ARRB1: variants seen among roughly 807,000 people sequenced by gnomAD.
ARRB1 encodes arrestin beta 1, also known as beta-arrestin-1.
Under a neutral mutation model 56.8 loss-of-function variants are expected in ARRB1, and 21 were observed. That is an observed-to-expected ratio of 0.37 (90% CI 0.26 to 0.53). ARRB1 has a LOEUF of 0.53. ARRB1 is among the 20% of genes least tolerant of loss of function. The probability of loss-of-function intolerance (pLI) is 0.88; values close to 1 mark genes in which losing one functional copy is unlikely to be tolerated. For synonymous variants in ARRB1, 210 were observed against 218.6 expected, an observed-to-expected ratio of 0.96 and a Z score of 0.35; for missense variants, 424 against 553.7, an observed-to-expected ratio of 0.77 and a Z score of 2.35.
At chr11:75,342,602 C>A (rs1298007660) in intron 1 of ARRB1, among the ~76,000 whole-genome samples, 2 of 152,176 alleles carry the variant, frequency 1.3e-5, no homozygotes, top group Non-Finnish European at 2.9e-5. Flanking sequence ...GGACTGCAGC[C>A]AGACCCAGAT....
intron 1 of ARRB1, among the ~76,000 whole-genome samples, chr11:75,292,807 A>G (rs1200170628): frequency 6.6e-6 from 1 of 152,210 alleles, no homozygotes; most frequent in African/African-American, 2.4e-5. Flanking sequence ...TGAGTGGCTA[A>G]TTATTTCTCA....
chr11:75,339,529 CAT>C (rs1373698845), intron 1 of ARRB1, among the ~76,000 whole-genome samples: 3 of 152,208 alleles, frequency 2.0e-5, no homozygotes, highest in African/African-American at 7.2e-5. Flanking sequence ...GATGAAAACA[CAT>C]GTCACAGAGA....
At chr11:75,307,085 C>T (rs1453467828) in intron 1 of ARRB1, among the ~76,000 whole-genome samples, 1 of 152,152 alleles carries the variant, frequency 6.6e-6, no homozygotes, top group East Asian at 1.9e-4. Context: ...TCTATGTCAC[C>T]CTCACTTGCT....
chr11:75,349,666 G>A (rs1214313658), intron 1 of ARRB1, among the ~76,000 whole-genome samples: 1 of 152,256 alleles, frequency 6.6e-6, no homozygotes, highest in Non-Finnish European at 1.5e-5. Context: ...AGAAAAGCCT[G>A]ACCTCATGGG....
chr11:75,350,485 G>A (rs1284924412), intron 1 of ARRB1, among the ~76,000 whole-genome samples: 2 of 152,182 alleles, frequency 1.3e-5, no homozygotes, highest in African/African-American at 4.8e-5. Flanking sequence ...GGTGGGGAGG[G>A]CAACGGGGAA....
intron 1 of ARRB1, chr11:75,334,957 A>G (rs558742004): frequency 6.3e-6 from 1 of 158,850 alleles, no homozygotes; most frequent in East Asian, 1.9e-4. Flanking sequence ...TGTTTGTTTT[A>G]AAAAAAAAAG....
chr11:75,326,889 TAGAG>T (rs896013033), intron 1 of ARRB1, among the ~76,000 whole-genome samples: 1 of 151,942 alleles, frequency 6.6e-6, no homozygotes, highest in African/African-American at 2.4e-5. Flanking sequence ...GTATTTTTAG[TAGAG>T]ATAGAGTTTT....
rs113649592 is a variant in ARRB1, at chr11:75,343,812, AT to A, written c.20+7775del. Among the ~76,000 whole-genome samples, 980 of 145,174 alleles carry A rather than the reference AT, an allele frequency of 6.8e-3. 12 individuals are homozygous for A. The highest frequency in any genetic ancestry group is 0.014 in the African/African-American group (558 of 39,926). ...TGGAGGAAGTGTTCCTGACCTGAGT[AT>A]TTTTTTTTTTTTAAGACAGAGTCTT... On this transcript the variant is annotated intron_variant, in intron 1 of 15. Transcript: ENST00000420843.
At chr11:75,281,420 C>A (rs1209844766) in intron 6 of ARRB1, among the ~76,000 whole-genome samples, 3 of 152,198 alleles carry the variant, frequency 2.0e-5, no homozygotes, top group African/African-American at 7.2e-5. Flanking sequence ...CTCATCCAGG[C>A]AGCTGCCCAG....
chr11:75,306,530 G>A, intron 1 of ARRB1: 1 of 1,143,352 alleles, frequency 8.7e-7, no homozygotes, highest in South Asian at 1.3e-5. Context: ...AAACTTCCTG[G>A]TGAGTCAGAT....
At chr11:75,300,619 C>T (rs1234852305) in intron 1 of ARRB1, among the ~76,000 whole-genome samples, 4 of 152,172 alleles carry the variant, frequency 2.6e-5, no homozygotes, top group African/African-American at 9.7e-5. Context: ...ATCATGTGGT[C>T]AAGAGATTGA....
chr11:75,261,901 TAA>T lies in ARRB1; in HGVS notation c.*4260_*4261del, dbSNP rs1316777698. 6.6e-6 allele frequency: 1 copy of T among 152,210 alleles called. No homozygotes were observed. The highest frequency in any genetic ancestry group is 1.9e-4 in the East Asian group (1 of 5,190). 9.4% of individuals were successfully genotyped at this position (152,210 alleles called of 1,614,324 possible). On this transcript the variant is annotated 3_prime_UTR_variant, in exon 16 of 16. Transcript: ENST00000420843. ...ATAGGCCTATGTCCATGAGACCCTA[TAA>T]GAGTGTAAGACTGGGACCTAACCCC...
intron 13 of ARRB1, 47 bp from the exon 14 acceptor site, chr11:75,269,006 C>T: frequency 3.8e-6 from 6 of 1,576,542 alleles, no homozygotes; most frequent in Non-Finnish European, 5.2e-6. Context: ...GACTCACAGG[C>T]TGTGAGACTT....
At chr11:75,266,305 GT>G (rs1334490770) in intron 15 of ARRB1, 31 bp from the exon 16 acceptor site, 1 of 1,571,072 alleles carries the variant, frequency 6.4e-7, no homozygotes, top group Admixed American at 1.7e-5. Flanking sequence ...AATGTGGTGT[GT>G]TTGCAGGGGC....
rs949313669 is a variant in ARRB1 at position 75,274,190 on chromosome 11, C to T, written c.798G>A (p.Ser266=). Reference sequence around the variant, plus strand: ...TCAGTGTGTAGACCTTGCAGAACGTCGAGCTGGGTGCCACAGTGTCACTGG... The same window carrying T: ...TCAGTGTGTAGACCTTGCAGAACGTTGAGCTGGGTGCCACAGTGTCACTGG... ...EEADDTVAPS[S]TFCKVYTLTP... Residue 266 remains serine (S), a synonymous_variant, in exon 11 of 16, where the codon TCG becomes TCA. Coordinates refer to ENST00000420843, the MANE Select transcript of ARRB1 (RefSeq NM_004041.5). The T allele has an allele frequency of 3.7e-6, 6 of 1,614,014 alleles. No individual in the cohort carries two copies. The highest frequency in any genetic ancestry group is 1.3e-5 in the African/African-American group (1 of 74,922).
chr11:75,304,581 C>T (rs975361671), intron 1 of ARRB1, among the ~76,000 whole-genome samples: 1 of 151,196 alleles, frequency 6.6e-6, no homozygotes, highest in Non-Finnish European at 1.5e-5. Flanking sequence ...GGTTCTCAGC[C>T]GGGGGCGAAT....
rs1269532844 is a variant in ARRB1 at position 75,266,227 on chromosome 11, C to A, written c.1193G>T (p.Gly398Val). The A allele has an allele frequency of 1.2e-6, 2 of 1,614,088 alleles. No individual in the cohort carries two copies. The highest frequency in any genetic ancestry group is 1.7e-6 in the Non-Finnish European group (2 of 1,180,048). The change falls in exon 16 of 16, where the codon GGC becomes GTC. Residue 398 changes from glycine (G) to valine (V), a missense_variant. By Grantham distance (109) the Gly-to-Val change is moderately radical (BLOSUM62 -3). This residue lies in a region of ARRB1 where 121 missense variants were observed against 147.3 expected (regional missense o/e 0.82). Coordinates refer to ENST00000420843, the MANE Select transcript of ARRB1 (RefSeq NM_004041.5). ...FEDFARQRLKGMKDDKEEEED... is the reference protein window; with the variant it reads ...FEDFARQRLKVMKDDKEEEED... ...CTCTTCCTCCTTGTCATCCTTCATG[C>A]CTTTCAGTCTCTGGCGAGCAAAGTC...
intron 10 of ARRB1, among the ~76,000 whole-genome samples, chr11:75,275,961 C>A (rs1946192714): frequency 6.6e-6 from 1 of 152,206 alleles, no homozygotes; most frequent in South Asian, 2.1e-4. Flanking sequence ...GGAATCTATG[C>A]CTCATAGCTC....
intron 13 of ARRB1, chr11:75,269,334 C>T (rs1395052617): frequency 1.3e-5 from 5 of 399,940 alleles, no homozygotes; most frequent in Non-Finnish European, 1.9e-5. Flanking sequence ...GCCACCCTCG[C>T]CTCCCCTGAC....
Sources: gnomAD v4.1 joint callset for allele counts (sites outside exome capture counted in the v4.1 genomes callset) on GRCh38, gnomAD v4.1.1 for gene constraint, gnomAD v4.1.1 regional missense constraint, MANE v1.5 for transcripts, NCBI Gene and HGNC (gene_info 2026-07-23, HGNC 2026-07-21) for gene names.